MYH14: variants seen among roughly 807,000 people sequenced by gnomAD.
The protein encoded by MYH14 is myosin-14.
MYH14 carries 123 observed loss-of-function variants against 255.5 expected under a neutral mutation model. That is an observed-to-expected ratio of 0.48 (90% confidence interval 0.42 to 0.56). The LOEUF (loss-of-function observed/expected upper bound fraction) is 0.56. Among genes scored for constraint, MYH14 ranks in the 20% least tolerant of loss-of-function variants. The pLI is 0.00. For missense variants in MYH14, 2,423 were observed against 2,802.3 expected, an observed-to-expected ratio of 0.86 and a Z score of 3.06; for synonymous variants, 1,095 against 1,161.2, an observed-to-expected ratio of 0.94 and a Z score of 1.16.
rs927144911 is a variant in MYH14, at chr19:50,310,163, C to G, written c.*373C>G. The G allele has an allele frequency of 3.5e-6, 1 of 289,402 alleles. No homozygotes were observed. Among genetic ancestry groups the G allele is most frequent in the Non-Finnish European group, 6.5e-6 (1 of 154,278 alleles). The allele number at this position is 289,402 out of a possible 1,614,324, so 17.9% of individuals were successfully genotyped here. A position where few individuals can be genotyped will look rare whatever the true frequency, so the allele number is the denominator to read the frequency against. On this transcript the variant is annotated 3_prime_UTR_variant, in exon 43 of 43. Coordinates refer to ENST00000642316, the MANE Select transcript of MYH14 (RefSeq NM_001145809.2). Reference sequence around the variant, plus strand: ...CCATCCTCAGCCAGTGCAACCCATTCCCTCTGCTTCTCTCTCTCTCTCTCT... The same window carrying G: ...CCATCCTCAGCCAGTGCAACCCATTGCCTCTGCTTCTCTCTCTCTCTCTCT...
chr19:50,273,890 G>A (rs1321415814), intron 27 of MYH14, among the ~76,000 whole-genome samples: 1 of 152,084 alleles, frequency 6.6e-6, no homozygotes, highest in Non-Finnish European at 1.5e-5. Flanking sequence ...ATTCGCTGAG[G>A]TTAGGATTAT....
At chr19:50,233,868 G>A (rs1166150633) in intron 10 of MYH14, among the ~76,000 whole-genome samples, 1 of 140,358 alleles carries the variant, frequency 7.1e-6, no homozygotes, top group Non-Finnish European at 1.5e-5. Context: ...TTGCTGGAGT[G>A]CAAGTGGTGC....
Position 50,231,937 on chromosome 19 carries a change from C to G in MYH14, c.981C>G (p.Leu327=), listed in dbSNP as rs1308093364. ...GGAGEQLKAD[L]LLEPCSHYRF... is the part of the protein sequence containing the mutation. Reference sequence around the variant, plus strand: ...CACTCATTGTCCCTGCAGCCGACCTCCTCCTCGAGCCCTGCTCCCACTACC... The same window carrying G: ...CACTCATTGTCCCTGCAGCCGACCTGCTCCTCGAGCCCTGCTCCCACTACC... The change falls in exon 10 of 43, where the codon CTC becomes CTG. Residue 327 remains leucine (L), a synonymous_variant. Transcript: ENST00000642316. The G allele has an allele frequency of 2.5e-6, 4 of 1,613,998 alleles. No individual in the cohort carries two copies. In the African/African-American group the frequency reaches 4.0e-5, roughly 16 times the overall value.
At chr19:50,308,012 A>G (rs935622060) in intron 41 of MYH14, among the ~76,000 whole-genome samples, 11 of 152,228 alleles carry the variant, frequency 7.2e-5, no homozygotes, top group African/African-American at 2.7e-4. Context: ...ATGAGACGTA[A>G]TAAACCTGTA....
chr19:50,280,527 A>C lies in MYH14; in HGVS notation c.4290+144A>C, dbSNP rs1601014603. On this transcript the variant is annotated intron_variant, in intron 32 of 42. Transcript: ENST00000642316. This position sits in a 1 kb window ranked among gnomAD's most constrained non-coding sequence, Gnocchi z 4.8. ...CCTTTCTCATCTCTGACTCCCCCTT[A>C]CCCCCCACAGCCCATGCCCAGCCCT... 3.5e-6 allele frequency: 3 copies of C among 854,564 alleles called. No individual in the cohort carries two copies. The highest frequency in any genetic ancestry group is 1.7e-6 in the Non-Finnish European group (1 of 574,806). The allele number at this position is 854,564 out of a possible 1,614,324, so 52.9% of individuals were successfully genotyped here.
In MYH14 at chr19:50,249,814, C is replaced by T. The variant is rs751530276; in HGVS notation, c.1647C>T (p.Ile549=). The T allele has an allele frequency of 1.9e-6, 3 of 1,614,184 alleles. No homozygotes were observed. Among genetic ancestry groups the T allele is most frequent in the Admixed American group, 3.3e-5 (2 of 60,022 alleles). ...GLDLQPCIDL[I]ERPANPPGLL... ...ACCTGCAGCCCTGCATCGACCTCAT[C>T]GAGCGGCCGGTGAGCCCCAGGCCCC... Residue 549 remains isoleucine (I), a synonymous_variant, in exon 14 of 43, where the codon ATC becomes ATT. Transcript: ENST00000642316.
chr19:50,260,782 T>C, intron 20 of MYH14, 67 bp downstream of exon 20: 2 of 1,214,426 alleles, frequency 1.6e-6, no homozygotes, highest in East Asian at 2.4e-5. Context: ...TGTGCGTGCA[T>C]GTGTGTGTGC....
chr19:50,298,389 AACACACACAC>A (rs377376324), intron 39 of MYH14, among the ~76,000 whole-genome samples: 1 of 102,554 alleles, frequency 9.8e-6, no homozygotes, highest in African/African-American at 2.8e-5. Flanking sequence ...CACACACACA[AACACACACAC>A]ATACACACAC....
At chr19:50,228,257 A>T (rs2033203280) in intron 8 of MYH14, among the ~76,000 whole-genome samples, 1 of 151,098 alleles carries the variant, frequency 6.6e-6, no homozygotes, top group African/African-American at 2.4e-5. Flanking sequence ...CTGCACTCCA[A>T]CCTGGGTGAC....
At chr19:50,228,690 A>G (rs7249637) in intron 8 of MYH14, among the ~76,000 whole-genome samples, 41,563 of 151,982 alleles carry the variant, frequency 0.27, 6,280 homozygotes, top group East Asian at 0.33. Context: ...TTCCTGCCAA[A>G]CTGTCCTGGC....
intron 6 of MYH14, 129 bp from the exon 7 acceptor site, chr19:50,225,456 C>T (rs1192515991): frequency 3.0e-6 from 2 of 661,322 alleles, no homozygotes; most frequent in Non-Finnish European, 5.3e-6. Context: ...GAAGTGGGTA[C>T]ACGCCCAGAC....
At chr19:50,284,203 A>G (rs2035816375) in intron 33 of MYH14, among the ~76,000 whole-genome samples, 1 of 152,140 alleles carries the variant, frequency 6.6e-6, no homozygotes, top group South Asian at 2.1e-4. Flanking sequence ...TTTTCTTTCC[A>G]TTCTGTTAGA....
At chr19:50,260,119 A>G (rs1228923341) in intron 19 of MYH14, among the ~76,000 whole-genome samples, 5 of 152,040 alleles carry the variant, frequency 3.3e-5, no homozygotes. Context: ...ACTAAAGCCA[A>G]TACATCCAAA....
At chr19:50,287,238 A>G (rs1358086887) in intron 34 of MYH14, among the ~76,000 whole-genome samples, 1 of 152,230 alleles carries the variant, frequency 6.6e-6, no homozygotes, top group Non-Finnish European at 1.5e-5. Context: ...AAGTAAGGAG[A>G]GCCATTCACC....
chr19:50,209,670 G>C (rs1600853335), intron 1 of MYH14, among the ~76,000 whole-genome samples: 1 of 151,686 alleles, frequency 6.6e-6, no homozygotes, highest in East Asian at 1.9e-4. Flanking sequence ...TGTAGTCCCA[G>C]CTACTCAGGA....
At chr19:50,215,313 C>T (rs887715325) in intron 2 of MYH14, among the ~76,000 whole-genome samples, 4 of 152,202 alleles carry the variant, frequency 2.6e-5, no homozygotes, top group South Asian at 2.1e-4. Context: ...GAATGTGGTC[C>T]GGCCGCCCCA....
At chr19:50,248,468 G>C (rs1201373546) in intron 12 of MYH14, among the ~76,000 whole-genome samples, 1 of 152,194 alleles carries the variant, frequency 6.6e-6, no homozygotes, top group East Asian at 1.9e-4. Context: ...CTTTTGGGCA[G>C]AGGCCTCTGC....
At chr19:50,236,539 C>A (rs1158821670) in intron 10 of MYH14, among the ~76,000 whole-genome samples, 1 of 151,574 alleles carries the variant, frequency 6.6e-6, no homozygotes, top group Non-Finnish European at 1.5e-5. Context: ...GAAACCCTGT[C>A]TCTACTAAAA....
chr19:50,265,759 T>A (rs1324088393), intron 22 of MYH14, among the ~76,000 whole-genome samples: 1 of 151,994 alleles, frequency 6.6e-6, no homozygotes, highest in Non-Finnish European at 1.5e-5. Context: ...AGGTGAAGGT[T>A]GCAGTGAGCC....
Sources: gnomAD v4.1 joint callset for allele counts (sites outside exome capture counted in the v4.1 genomes callset) on GRCh38, gnomAD v4.1.1 for gene constraint, Gnocchi (gnomAD v3.1) non-coding constraint, MANE v1.5 for transcripts, NCBI Gene and HGNC (gene_info 2026-07-23, HGNC 2026-07-21) for gene names.